KCNJ6: variants seen among roughly 807,000 people sequenced by gnomAD.
KCNJ6 encodes G protein-activated inward rectifier potassium channel 2.
Under a neutral mutation model 34.2 loss-of-function variants are expected in KCNJ6, and 9 were observed. The observed-to-expected ratio is 0.26, with a 90% CI of 0.16 to 0.46. The LOEUF (loss-of-function observed/expected upper bound fraction) is 0.46, where lower values mean the gene tolerates loss of function less well. KCNJ6 is among the 20% of genes least tolerant of loss of function. The pLI is 1.00. For missense variants in KCNJ6, 236 were observed against 531.3 expected, an observed-to-expected ratio of 0.44 and a Z score of 5.46; for synonymous variants, 196 against 207.1, an observed-to-expected ratio of 0.95 and a Z score of 0.46.
intron 2 of KCNJ6, among the ~76,000 whole-genome samples, chr21:37,806,748 T>G (rs16995510): frequency 0.012 from 1,765 of 152,344 alleles, 42 homozygotes; most frequent in African/African-American, 0.04. Flanking sequence ...ACAACGATAA[T>G]ATTTTAATGT....
chr21:37,633,928 C>CAAAA (rs56360366), intron 3 of KCNJ6, among the ~76,000 whole-genome samples: 1 of 149,678 alleles, frequency 6.7e-6, no homozygotes, highest in Non-Finnish European at 1.5e-5. Flanking sequence ...TTCTTAAAGT[C>CAAAA]AAAAAAAAAA....
At chr21:37,690,398 C>T (rs1425358916) in intron 3 of KCNJ6, among the ~76,000 whole-genome samples, 1 of 152,170 alleles carries the variant, frequency 6.6e-6, no homozygotes, top group African/African-American at 2.4e-5. Context: ...TTGCAATAAA[C>T]TGTCTGTTTG....
At chr21:37,827,428 A>G (rs1261036955) in intron 2 of KCNJ6, among the ~76,000 whole-genome samples, 3 of 152,232 alleles carry the variant, frequency 2.0e-5, no homozygotes, top group African/African-American at 7.2e-5. Context: ...CAAACACCAC[A>G]TATCCAAATC....
intron 2 of KCNJ6, among the ~76,000 whole-genome samples, chr21:37,788,323 T>C (rs1463633950): frequency 1.3e-5 from 2 of 152,214 alleles, no homozygotes; most frequent in Non-Finnish European, 2.9e-5. Flanking sequence ...CTTTTTGATA[T>C]AGTGTATGAT....
chr21:37,762,934 T>C (rs1475617182), intron 2 of KCNJ6, among the ~76,000 whole-genome samples: 1 of 152,146 alleles, frequency 6.6e-6, no homozygotes. Context: ...AGAATAACGA[T>C]GTTCCAATCT....
chr21:37,913,058 G>A (rs975399149), intron 1 of KCNJ6, among the ~76,000 whole-genome samples: 14 of 152,180 alleles, frequency 9.2e-5, no homozygotes, highest in Non-Finnish European at 4.4e-5. Context: ...GTAACACCTG[G>A]ATGGCACTCT....
intron 3 of KCNJ6, among the ~76,000 whole-genome samples, chr21:37,696,326 T>C (rs952893371): frequency 1.3e-5 from 2 of 152,186 alleles, no homozygotes; most frequent in African/African-American, 4.8e-5. Context: ...AGATAGAAGT[T>C]AACATCATTC....
At chr21:37,662,511 T>C (rs1168345580) in intron 3 of KCNJ6, among the ~76,000 whole-genome samples, 1 of 152,258 alleles carries the variant, frequency 6.6e-6, no homozygotes, top group African/African-American at 2.4e-5. Flanking sequence ...CAGTCTATCA[T>C]TGTGGGCATT....
At chr21:37,628,757 C>T (rs1462539648) in intron 3 of KCNJ6, among the ~76,000 whole-genome samples, 1 of 152,108 alleles carries the variant, frequency 6.6e-6, no homozygotes, top group African/African-American at 2.4e-5. Flanking sequence ...ACTGTTGAAA[C>T]ATGACGATGA....
intron 3 of KCNJ6, among the ~76,000 whole-genome samples, chr21:37,691,106 AAGCAAGCTT>A (rs1406197550): frequency 2.0e-5 from 3 of 152,288 alleles, no homozygotes; most frequent in African/African-American, 7.2e-5. Flanking sequence ...ATTCCAAGCT[AAGCAAGCTT>A]AGGTCACACC....
chr21:37,747,385 T>C (rs1256847700), intron 2 of KCNJ6, among the ~76,000 whole-genome samples: 1 of 152,218 alleles, frequency 6.6e-6, no homozygotes, highest in Non-Finnish European at 1.5e-5. Flanking sequence ...GATGAAGCTT[T>C]GGGATTTTTA....
In KCNJ6 at chr21:37,835,045, C is replaced by T. The variant is rs145698465; in HGVS notation, c.25+5613G>A. The stretch of plus-strand genomic sequence containing the variant: ...GTAGAATGGCTCATGACAACAACCC[C>T]TAGGGACGCTCTGGCTGCCAAGGAA... On this transcript the variant is annotated intron_variant, in intron 2 of 3. Coordinates refer to ENST00000609713, the MANE Select transcript of KCNJ6 (RefSeq NM_002240.5). Among the ~76,000 whole-genome samples the T allele has an allele frequency of 3.1e-3, 467 of 152,300 alleles. 2 individuals are homozygous for T. The highest frequency in any genetic ancestry group is 0.011 in the African/African-American group (455 of 41,554).
At chr21:37,682,286 G>A (rs1052226929) in intron 3 of KCNJ6, among the ~76,000 whole-genome samples, 3 of 152,172 alleles carry the variant, frequency 2.0e-5, no homozygotes, top group Admixed American at 2.0e-4. Context: ...GCTTCTTCTG[G>A]CTTCTCAGGG....
chr21:37,698,261 C>A (rs1277986054), intron 3 of KCNJ6, among the ~76,000 whole-genome samples: 3 of 152,212 alleles, frequency 2.0e-5, no homozygotes, highest in Non-Finnish European at 4.4e-5. Flanking sequence ...GATCTCATCT[C>A]CTCATGGACT....
At position 37,702,234 on chromosome 21, in the gene KCNJ6, C is replaced by CAAAA. The variant is rs374421896; in HGVS notation, c.946+11973_946+11976dup. On this transcript the variant is annotated intron_variant, in intron 3 of 3. Coordinates refer to ENST00000609713, the MANE Select transcript of KCNJ6 (RefSeq NM_002240.5). The stretch of plus-strand genomic sequence containing the variant: ...GATGACAGAGTGAGATTTTGTCTCA[C>CAAAA]AAAAAAAAAAAAAAAAAAAAGCTCT... Among the ~76,000 whole-genome samples the CAAAA allele has an allele frequency of 3.1e-3, 301 of 96,422 alleles. 7 individuals carry two copies. Among genetic ancestry groups the CAAAA allele is most frequent in the Middle Eastern group, 6.1e-3 (1 of 164 alleles). The allele number at this position is 96,422 out of a possible 152,430, so 63.3% of individuals were successfully genotyped here. A position where few individuals can be genotyped will look rare whatever the true frequency, so the allele number is the denominator to read the frequency against.
At chr21:37,671,907 G>C (rs1185693765) in intron 3 of KCNJ6, among the ~76,000 whole-genome samples, 1 of 152,074 alleles carries the variant, frequency 6.6e-6, no homozygotes. Flanking sequence ...TGTTGATCTT[G>C]TACTCTACAA....
chr21:37,863,860 G>GTTTTTTTTTTTTTTTTTTT (rs56800970), intron 1 of KCNJ6, among the ~76,000 whole-genome samples: 1 of 81,078 alleles, frequency 1.2e-5, no homozygotes. Context: ...TTTTTTTTTT[G>GTTTTTTTTTTTTTTTTTTT]TTTTTTTTTT....
chr21:37,853,846 G>GTATATATATATATATATATATATATATA lies in KCNJ6; in HGVS notation c.-27-13138_-27-13137insTATATATATATATATATATATATATATA, dbSNP rs144698876. Among the ~76,000 whole-genome samples the GTATATATATATATATATATATATATATA allele has an allele frequency of 9.7e-4, 113 of 115,932 alleles. 1 individual carries two copies. Among genetic ancestry groups the GTATATATATATATATATATATATATATA allele is most frequent in the African/African-American group, 3.9e-3 (98 of 25,090 alleles). The allele number at this position is 115,932 out of a possible 152,430, so 76.1% of individuals were successfully genotyped here. On this transcript the variant is annotated intron_variant, in intron 1 of 3. Transcript: ENST00000609713. ...GTAGTTAAGAGATACATATATATATGTATATATATATATATAAATTACATT... is the reference window on the plus strand; with the variant it reads ...GTAGTTAAGAGATACATATATATATGTATATATATATATATATATATATATATATATATATATATATATAAATTACATT...
chr21:37,893,044 C>T (rs1404531059), intron 1 of KCNJ6, among the ~76,000 whole-genome samples: 6 of 150,948 alleles, frequency 4.0e-5, no homozygotes, highest in African/African-American at 1.5e-4. Context: ...TTAGTAGAGA[C>T]GGGGTTTCAC....
Sources: allele counts gnomAD v4.1 joint callset (sites outside exome capture counted in the v4.1 genomes callset), GRCh38; gene constraint gnomAD v4.1.1; transcripts MANE v1.5; gene names NCBI Gene and HGNC (gene_info 2026-07-23, HGNC 2026-07-21).